Variants in MEGF9 observed in about 807,000 individuals in gnomAD.
MEGF9 encodes the protein multiple epidermal growth factor-like domains protein 9.
A neutral mutation model predicts 46.8 loss-of-function variants in MEGF9; 6 were observed. The observed-to-expected ratio is 0.13, with a 90% CI of 0.07 to 0.25. The LOEUF (loss-of-function observed/expected upper bound fraction) is 0.25, where lower values mean the gene tolerates loss of function less well. Ranked by LOEUF, MEGF9 falls within the 10% of genes least tolerant of loss-of-function variation. MEGF9 has a pLI of 1.00. For synonymous variants in MEGF9, 302 were observed against 330.7 expected, an observed-to-expected ratio of 0.91 and a Z score of 0.94; for missense variants, 683 against 792.4, an observed-to-expected ratio of 0.86 and a Z score of 1.66.
At position 120,602,631 on chromosome 9, in the gene MEGF9, A is replaced by T. The variant is rs1282238681; in HGVS notation, c.*2559T>A. 6.6e-6 allele frequency: 1 copy of T among 152,172 alleles called. No homozygotes were observed. Among genetic ancestry groups the T allele is most frequent in the African/African-American group, 2.4e-5 (1 of 41,436 alleles). 9.4% of individuals were successfully genotyped at this position (152,172 alleles called of 1,614,324 possible). On this transcript the variant is annotated 3_prime_UTR_variant, in exon 6 of 6. Coordinates refer to ENST00000373930, the MANE Select transcript of MEGF9 (RefSeq NM_001080497.3). Reference sequence around the variant, plus strand: ...TGATTCAATTTTTCAATACCTTTTAAGGTCTGTTTCAAGGAATTTCTACAT... The same window carrying T: ...TGATTCAATTTTTCAATACCTTTTATGGTCTGTTTCAAGGAATTTCTACAT...
chr9:120,659,353 G>T (rs1324020776), intron 2 of MEGF9, 21 bp downstream of exon 2: 1 of 1,605,514 alleles, frequency 6.2e-7, no homozygotes, highest in Non-Finnish European at 8.5e-7. Flanking sequence ...ATAAACTTCA[G>T]TTCCACCCTC....
intron 3 of MEGF9, among the ~76,000 whole-genome samples, chr9:120,615,275 G>A (rs1376220842): frequency 6.8e-6 from 1 of 146,190 alleles, no homozygotes; most frequent in Admixed American, 6.7e-5. Context: ...ATATATGTAA[G>A]CGTGTGTGTG....
chr9:120,611,250 A>G (rs2043443518), intron 4 of MEGF9, among the ~76,000 whole-genome samples: 1 of 152,212 alleles, frequency 6.6e-6, no homozygotes. Flanking sequence ...CTAGGTATAC[A>G]CTGAAGATAA....
At chr9:120,627,849 C>T (rs1238250815) in intron 2 of MEGF9, among the ~76,000 whole-genome samples, 1 of 152,184 alleles carries the variant, frequency 6.6e-6, no homozygotes, top group Non-Finnish European at 1.5e-5. Context: ...AGACATTACA[C>T]ATGTTGACAC....
At chr9:120,682,095 T>C (rs954049985) in intron 1 of MEGF9, among the ~76,000 whole-genome samples, 1 of 152,228 alleles carries the variant, frequency 6.6e-6, no homozygotes, top group African/African-American at 2.4e-5. Flanking sequence ...CCTACATTTT[T>C]ATTATAAGCA....
intron 2 of MEGF9, among the ~76,000 whole-genome samples, chr9:120,632,152 C>T (rs1005997317): frequency 6.6e-6 from 1 of 152,158 alleles, no homozygotes. Context: ...GTCTTGATCT[C>T]TTTACCTGGT....
At chr9:120,707,581 T>G (rs2043934450) in intron 1 of MEGF9, among the ~76,000 whole-genome samples, 1 of 152,210 alleles carries the variant, frequency 6.6e-6, no homozygotes, top group Non-Finnish European at 1.5e-5. Context: ...GGGTCTATAT[T>G]AACTTTGAAG....
At chr9:120,630,306 A>C (rs1262460057) in intron 2 of MEGF9, among the ~76,000 whole-genome samples, 1 of 152,204 alleles carries the variant, frequency 6.6e-6, no homozygotes, top group Non-Finnish European at 1.5e-5. Flanking sequence ...TTCACTTAAG[A>C]TAATGTTCTT....
chr9:120,606,165 T>C (rs2043419765), intron 5 of MEGF9, among the ~76,000 whole-genome samples: 2 of 143,572 alleles, frequency 1.4e-5, no homozygotes, highest in African/African-American at 2.7e-5. Context: ...AGCGAGACTC[T>C]GTCTCAAAAA....
At chr9:120,688,862 G>C (rs2043835978) in intron 1 of MEGF9, among the ~76,000 whole-genome samples, 2 of 152,158 alleles carry the variant, frequency 1.3e-5, no homozygotes, top group African/African-American at 4.8e-5. Flanking sequence ...ATGAATAGAA[G>C]ATAGAAAAAT....
chr9:120,654,458 T>C (rs889670662), intron 2 of MEGF9, among the ~76,000 whole-genome samples: 1 of 152,192 alleles, frequency 6.6e-6, no homozygotes, highest in African/African-American at 2.4e-5. Flanking sequence ...CCTAGTGAGA[T>C]CATAGCTGTG....
At chr9:120,686,187 T>C (rs2043821395) in intron 1 of MEGF9, among the ~76,000 whole-genome samples, 1 of 151,796 alleles carries the variant, frequency 6.6e-6, no homozygotes, top group African/African-American at 2.4e-5. Flanking sequence ...CCTCCCAGGT[T>C]CATGCCATTC....
chr9:120,712,107 A>C (rs968403486), intron 1 of MEGF9, among the ~76,000 whole-genome samples: 1 of 152,010 alleles, frequency 6.6e-6, no homozygotes, highest in Non-Finnish European at 1.5e-5. Context: ...AAATACAAAA[A>C]ATTAGCTGGG....
chr9:120,657,332 G>T (rs1032921549), intron 2 of MEGF9, among the ~76,000 whole-genome samples: 1 of 152,154 alleles, frequency 6.6e-6, no homozygotes, highest in African/African-American at 2.4e-5. Flanking sequence ...ATTAAACTTG[G>T]TAGCATTAAC....
chr9:120,648,465 C>T (rs1235952236), intron 2 of MEGF9, among the ~76,000 whole-genome samples: 3 of 151,932 alleles, frequency 2.0e-5, no homozygotes, highest in East Asian at 1.9e-4. Flanking sequence ...TCAGTGAAGA[C>T]GTCTTTTTCT....
intron 2 of MEGF9, among the ~76,000 whole-genome samples, chr9:120,624,978 A>G (rs2043517729): frequency 6.6e-6 from 1 of 152,118 alleles, no homozygotes; most frequent in Non-Finnish European, 1.5e-5. Flanking sequence ...TTCTGCATGT[A>G]TAAGAATTAA....
At chr9:120,619,257 G>T (rs1405002277) in intron 3 of MEGF9, among the ~76,000 whole-genome samples, 1 of 152,172 alleles carries the variant, frequency 6.6e-6, no homozygotes, top group Non-Finnish European at 1.5e-5. Flanking sequence ...TGAGGCAGGA[G>T]AATCGCTTGA....
chr9:120,712,021 C>T (rs529400345), intron 1 of MEGF9, among the ~76,000 whole-genome samples: 1 of 152,146 alleles, frequency 6.6e-6, no homozygotes, highest in African/African-American at 2.4e-5. Flanking sequence ...CTTTGGGAGG[C>T]CGAGGCAGGA....
chr9:120,627,701 G>T (rs899203707), intron 2 of MEGF9, among the ~76,000 whole-genome samples: 5 of 152,216 alleles, frequency 3.3e-5, no homozygotes, highest in African/African-American at 1.2e-4. Context: ...GACCTCAAGT[G>T]ATCCACCCGC....
Sources: gnomAD v4.1 joint callset for allele counts (sites outside exome capture counted in the v4.1 genomes callset) on GRCh38, gnomAD v4.1.1 for gene constraint, MANE v1.5 for transcripts, NCBI Gene and HGNC (gene_info 2026-07-23, HGNC 2026-07-21) for gene names.